Variants in TIGAR observed in about 807,000 individuals in gnomAD.
The protein encoded by TIGAR is fructose-2,6-bisphosphatase TIGAR.
Under a neutral mutation model 17.9 loss-of-function variants are expected in TIGAR, and 7 were observed. That is an observed-to-expected ratio of 0.39 (90% CI 0.22 to 0.73). The LOEUF (loss-of-function observed/expected upper bound fraction) is 0.73, where lower values mean the gene tolerates loss of function less well. Ranked by LOEUF, TIGAR falls within the 30% of genes least tolerant of loss-of-function variation. TIGAR has a pLI of 0.42. For synonymous variants in TIGAR, 94 were observed against 108.6 expected (o/e 0.87, Z 0.84); for missense variants, 258 against 327.4 (o/e 0.79, Z 1.64).
rs768032613 is a variant in TIGAR at position 4,353,383 on chromosome 12, A to T, written c.*692A>T. On this transcript the variant is annotated 3_prime_UTR_variant, in exon 6 of 6. Coordinates refer to ENST00000179259, the MANE Select transcript of TIGAR (RefSeq NM_020375.3). Reference sequence around the variant, plus strand: ...ATAATGCCTTGCCAAAGTCAAGTCAATGGAAACCAGGAAAGCCAAAAAAAT... The same window carrying T: ...ATAATGCCTTGCCAAAGTCAAGTCATTGGAAACCAGGAAAGCCAAAAAAAT... 1.3e-5 allele frequency: 2 copies of T among 152,334 alleles called. No homozygotes were observed. Among genetic ancestry groups the T allele is most frequent in the South Asian group, 2.1e-4 (1 of 4,832 alleles). The allele number at this position is 152,334 out of a possible 1,614,324, so 9.4% of individuals were successfully genotyped here.
At chr12:4,327,578 A>G (rs2120648237) in intron 1 of TIGAR, among the ~76,000 whole-genome samples, 1 of 152,306 alleles carries the variant, frequency 6.6e-6, no homozygotes. Context: ...TATTACAGGA[A>G]TATACTCTCA....
At chr12:4,326,466 A>G (rs571823339) in intron 1 of TIGAR, among the ~76,000 whole-genome samples, 2 of 152,368 alleles carry the variant, frequency 1.3e-5, no homozygotes, top group African/African-American at 2.4e-5. Context: ...TTGGAAAAAA[A>G]TCTATTTTTG....
At chr12:4,331,051 A>G (rs754200121) in intron 1 of TIGAR, among the ~76,000 whole-genome samples, 14 of 152,350 alleles carry the variant, frequency 9.2e-5, no homozygotes, top group Non-Finnish European at 1.6e-4. Flanking sequence ...TTGGTTCCTG[A>G]TCTACACGTT....
intron 1 of TIGAR, chr12:4,324,434 C>T (rs1459164671): frequency 6.6e-7 from 1 of 1,518,518 alleles, no homozygotes; most frequent in Non-Finnish European, 9.1e-7. Flanking sequence ...CAGTGCTTCA[C>T]CAGCTTATAG....
chr12:4,327,277 C>T (rs944378511), intron 1 of TIGAR, among the ~76,000 whole-genome samples: 2 of 152,006 alleles, frequency 1.3e-5, no homozygotes, highest in Admixed American at 1.3e-4. Flanking sequence ...AGCGTGGTGG[C>T]GCTTGCCTGT....
In TIGAR at chr12:4,321,316, G is replaced by T. The variant is rs747972540; in HGVS notation, c.32+13G>T. 6.2e-7 allele frequency: 1 copy of T among 1,600,882 alleles called. No homozygotes were observed. The highest frequency in any genetic ancestry group is 1.1e-5 in the South Asian group (1 of 91,074). On this transcript the variant is annotated intron_variant, in intron 1 of 5. Transcript: ENST00000179259. This position sits in a 1 kb window ranked among gnomAD's most constrained non-coding sequence, Gnocchi z 5.2. ...CTGTTGTCCGGCAGTGAGTATGGCT[G>T]TGGCAGGATGTCTTTCTCTCTCTCT...
intron 1 of TIGAR, among the ~76,000 whole-genome samples, chr12:4,325,342 A>T (rs942160559): frequency 1.3e-4 from 20 of 152,220 alleles, no homozygotes; most frequent in Non-Finnish European, 2.9e-5. Context: ...TATATTAATA[A>T]AGCAAGCAAA....
rs769484244 is a variant in TIGAR, at chr12:4,352,503, T to C, written c.625T>C (p.Phe209Leu). The change falls in exon 6 of 6, where the codon TTT becomes CTT. Residue 209 changes from phenylalanine (F) to leucine (L), a missense_variant. By Grantham distance (22) the Phe-to-Leu change is conservative. Coordinates refer to ENST00000179259, the MANE Select transcript of TIGAR (RefSeq NM_020375.3). Reference sequence around the variant, plus strand: ...TTACATGAGAAGTCTGTTTGATTATTTTCTGACTGACCTTAAGTGTTCCTT... The same window carrying C: ...TTACATGAGAAGTCTGTTTGATTATCTTCTGACTGACCTTAAGTGTTCCTT... ...GAYMRSLFDY[F>L]LTDLKCSLPA... 4 of 1,614,188 alleles carry C rather than the reference T, an allele frequency of 2.5e-6. No homozygotes were observed. In the East Asian group the frequency reaches 8.9e-5, roughly 36 times the overall value.
intron 3 of TIGAR, among the ~76,000 whole-genome samples, chr12:4,337,950 G>A (rs1002499489): frequency 6.6e-6 from 1 of 152,166 alleles, no homozygotes; most frequent in South Asian, 2.1e-4. Context: ...GGCCAACATG[G>A]TGAAACCCTA....
chr12:4,352,383 A>T lies in TIGAR; in HGVS notation c.505A>T (p.Ile169Leu), dbSNP rs368032380. The T allele has an allele frequency of 6.2e-7, 1 of 1,614,194 alleles. No homozygotes were observed. The highest frequency in any genetic ancestry group is 8.5e-7 in the Non-Finnish European group (1 of 1,180,030). Residue 169 changes from isoleucine to leucine, a missense_variant, in exon 6 of 6, where the codon ATA (isoleucine) becomes TTA (leucine). Physicochemically the swap from Ile to Leu is conservative, Grantham distance 5 (BLOSUM62 2). Coordinates refer to ENST00000179259, the MANE Select transcript of TIGAR (RefSeq NM_020375.3). ...CTGTCTGGAAACTTCTTTGGCAGAG[A>T]TATTTCCTTTAGGAAAAAATCACAG... is the stretch of plus-strand genomic sequence containing the variant. ...SNCLETSLAE[I>L]FPLGKNHSSK...
At chr12:4,351,412 T>A in intron 5 of TIGAR, 35 bp downstream of exon 5, 1 of 1,564,328 alleles carries the variant, frequency 6.4e-7, no homozygotes, top group Non-Finnish European at 8.8e-7. Flanking sequence ...ATGGTTGAAT[T>A]AAGACTCAAA....
At chr12:4,343,605 T>A (rs1454139552) in intron 3 of TIGAR, among the ~76,000 whole-genome samples, 2 of 152,204 alleles carry the variant, frequency 1.3e-5, no homozygotes, top group African/African-American at 4.8e-5. Flanking sequence ...ACATGGAAAC[T>A]GAACAACCTG....
rs1256601173 is a variant in TIGAR, at chr12:4,359,582, CA to C, written c.*6893del. Among the ~76,000 whole-genome samples, 22 of 152,270 alleles carry C rather than the reference CA, an allele frequency of 1.4e-4. No homozygotes were observed. Among genetic ancestry groups the C allele is most frequent in the African/African-American group, 4.8e-4 (20 of 41,578 alleles). On this transcript the variant is annotated 3_prime_UTR_variant, in exon 6 of 6. Transcript: ENST00000179259. ...CATTGAATTCCAATGCATAGATACA[CA>C]ACAGTTTGTTTATTCTTCCATTGAC... is the stretch of plus-strand genomic sequence containing the variant.
chr12:4,331,587 T>C (rs979493044), intron 2 of TIGAR, among the ~76,000 whole-genome samples: 2 of 152,228 alleles, frequency 1.3e-5, no homozygotes, highest in African/African-American at 4.8e-5. Flanking sequence ...TGATTAATTA[T>C]ATTGGGTCTG....
In TIGAR at chr12:4,355,021, G is replaced by A. The variant is rs761618301; in HGVS notation, c.*2330G>A. On this transcript the variant is annotated 3_prime_UTR_variant, in exon 6 of 6. Coordinates refer to ENST00000179259, the MANE Select transcript of TIGAR (RefSeq NM_020375.3). ...GCTGGGATTGCAGGCATAAGCCACCGTGCCTGGCCTATGATGCATTTTTTT... is the reference window on the plus strand; with the variant it reads ...GCTGGGATTGCAGGCATAAGCCACCATGCCTGGCCTATGATGCATTTTTTT... Among the ~76,000 whole-genome samples the A allele has an allele frequency of 2.6e-5, 4 of 151,674 alleles. No individual in the cohort carries two copies. The highest frequency in any genetic ancestry group is 5.9e-5 in the Non-Finnish European group (4 of 67,924).
intron 3 of TIGAR, among the ~76,000 whole-genome samples, chr12:4,337,439 C>T (rs1442487711): frequency 2.6e-5 from 4 of 152,086 alleles, no homozygotes; most frequent in Admixed American, 2.0e-4. Flanking sequence ...GGATTACAGG[C>T]GTGAGCCACC....
At position 4,352,690 on chromosome 12, in the gene TIGAR, A is replaced by G. The variant is rs1370667965; in HGVS notation, c.812A>G (p.Ter271=). ...DHLNGLTETR[*] ...CTAAATGGACTGACTGAAACTCGCT[A>G]AGGTTAAATCTGCATCAAAATCTAA... Residue 271 remains the stop codon, a stop_retained_variant, in exon 6 of 6, where the codon TAA becomes TGA. Coordinates refer to ENST00000179259, the MANE Select transcript of TIGAR (RefSeq NM_020375.3). The G allele has an allele frequency of 1.3e-6, 2 of 1,598,702 alleles. No homozygotes were observed. The highest frequency in any genetic ancestry group is 1.1e-5 in the South Asian group (1 of 90,848).
intron 1 of TIGAR, among the ~76,000 whole-genome samples, chr12:4,329,634 G>A (rs1225085899): frequency 6.6e-6 from 1 of 152,118 alleles, no homozygotes; most frequent in Non-Finnish European, 1.5e-5. Flanking sequence ...ACCACGTCTG[G>A]CCACAAATAA....
chr12:4,331,369 G>T, intron 2 of TIGAR, 52 bp downstream of exon 2: 8 of 1,566,710 alleles, frequency 5.1e-6, no homozygotes, highest in Non-Finnish European at 7.0e-6. Flanking sequence ...TTAATAAGAT[G>T]TGTGAGTTAA....
Sources: gnomAD v4.1 joint callset for allele counts (sites outside exome capture counted in the v4.1 genomes callset) on GRCh38, gnomAD v4.1.1 for gene constraint, Gnocchi (gnomAD v3.1) non-coding constraint, MANE v1.5 for transcripts, NCBI Gene and HGNC (gene_info 2026-07-23, HGNC 2026-07-21) for gene names.